GPC6: variants seen among roughly 807,000 people sequenced by gnomAD.
GPC6 encodes glypican 6.
Under a neutral mutation model 55.2 loss-of-function variants are expected in GPC6, and 14 were observed. The observed-to-expected ratio is 0.25, with a 90% confidence interval of 0.17 to 0.40. GPC6 has a LOEUF of 0.40. Among genes scored for constraint, GPC6 ranks in the 10% least tolerant of loss-of-function variants. GPC6 has a pLI of 1.00. For missense variants in GPC6, 641 were observed against 708.5 expected (o/e 0.90, Z 1.08); for synonymous variants, 278 against 259.6 (o/e 1.07, Z -0.68).
At chr13:94,102,775 A>T (rs545958005) in intron 4 of GPC6, among the ~76,000 whole-genome samples, 1 of 152,350 alleles carries the variant, frequency 6.6e-6, no homozygotes, top group East Asian at 1.9e-4. Context: ...AAAATAGAAT[A>T]TTAAAATGAG....
chr13:93,739,649 T>C (rs1884132151), intron 2 of GPC6, among the ~76,000 whole-genome samples: 2 of 152,082 alleles, frequency 1.3e-5, no homozygotes, highest in African/African-American at 4.8e-5. Context: ...CAGGATGGTC[T>C]CGATCTCCTG....
At chr13:93,970,275 T>C (rs1417058724) in intron 3 of GPC6, among the ~76,000 whole-genome samples, 1 of 152,116 alleles carries the variant, frequency 6.6e-6, no homozygotes, top group Non-Finnish European at 1.5e-5. Context: ...GTGCCATAAA[T>C]CAGCTCTACT....
At chr13:93,379,717 C>T (rs939164549) in intron 1 of GPC6, among the ~76,000 whole-genome samples, 2 of 151,978 alleles carry the variant, frequency 1.3e-5, no homozygotes, top group East Asian at 1.9e-4. Context: ...TTGTCTCGTT[C>T]GTTCAGTGGC....
intron 1 of GPC6, among the ~76,000 whole-genome samples, chr13:93,264,673 T>C (rs59772512): frequency 0.21 from 31,856 of 152,098 alleles, 3,600 homozygotes; most frequent in African/African-American, 0.28. Context: ...GCTGAGATTA[T>C]AGGTATGAGC....
At chr13:93,929,621 A>T (rs996469355) in intron 3 of GPC6, among the ~76,000 whole-genome samples, 1 of 152,158 alleles carries the variant, frequency 6.6e-6, no homozygotes, top group Non-Finnish European at 1.5e-5. Context: ...AGAAATTACA[A>T]TGGGAATTAG....
chr13:93,465,782 C>A (rs191171305), intron 1 of GPC6, among the ~76,000 whole-genome samples: 1 of 152,322 alleles, frequency 6.6e-6, no homozygotes, highest in Non-Finnish European at 1.5e-5. Flanking sequence ...AGAGGCCTAG[C>A]CTTTTGGCCT....
At chr13:93,258,726 G>A (rs577676950) in intron 1 of GPC6, among the ~76,000 whole-genome samples, 2 of 152,102 alleles carry the variant, frequency 1.3e-5, no homozygotes, top group South Asian at 4.2e-4. Flanking sequence ...ATTGCTTGAA[G>A]CCAGGAGTTC....
chr13:94,000,326 T>A (rs1881743902), intron 3 of GPC6, among the ~76,000 whole-genome samples: 1 of 152,206 alleles, frequency 6.6e-6, no homozygotes, highest in Non-Finnish European at 1.5e-5. Context: ...AATCCATTTA[T>A]ACTCTGGCAT....
At chr13:94,377,036 T>C (rs1879898513) in intron 6 of GPC6, among the ~76,000 whole-genome samples, 5 of 151,712 alleles carry the variant, frequency 3.3e-5, no homozygotes, top group Admixed American at 2.0e-4. Context: ...TTACACATTA[T>C]ACAAAAATCA....
chr13:94,350,594 T>C (rs553047757), intron 6 of GPC6, among the ~76,000 whole-genome samples: 1 of 152,298 alleles, frequency 6.6e-6, no homozygotes, highest in African/African-American at 2.4e-5. Flanking sequence ...CCAGAAGGCA[T>C]TGTTAAATAC....
At chr13:94,398,757 C>A in intron 8 of GPC6, 116 bp downstream of exon 8, 1 of 835,254 alleles carries the variant, frequency 1.2e-6, no homozygotes, top group Non-Finnish European at 2.0e-6. Context: ...CATTCTTCCT[C>A]AGGCTGTGAT....
intron 1 of GPC6, among the ~76,000 whole-genome samples, chr13:93,430,669 A>T (rs1022257597): frequency 6.6e-6 from 1 of 152,152 alleles, no homozygotes; most frequent in Non-Finnish European, 1.5e-5. Context: ...GAACGTACCA[A>T]TAGTAATAGC....
chr13:93,979,281 T>TG (rs1880664587), intron 3 of GPC6, among the ~76,000 whole-genome samples: 8 of 140,180 alleles, frequency 5.7e-5, no homozygotes, highest in African/African-American at 1.4e-4. Flanking sequence ...GACACTTCTT[T>TG]TGTGTGTGTG....
intron 2 of GPC6, among the ~76,000 whole-genome samples, chr13:93,730,773 C>A (rs1356667943): frequency 1.2e-4 from 19 of 152,140 alleles, no homozygotes; most frequent in Non-Finnish European, 2.4e-4. Context: ...GGGAGTAAAA[C>A]CATTTCTTGT....
intron 5 of GPC6, among the ~76,000 whole-genome samples, chr13:94,305,565 T>C (rs989385353): frequency 1.3e-5 from 2 of 152,196 alleles, no homozygotes; most frequent in African/African-American, 2.4e-5. Context: ...AACACTTGTT[T>C]ACAGTCTGAG....
At chr13:93,749,587 C>T (rs998399769) in intron 2 of GPC6, among the ~76,000 whole-genome samples, 5 of 151,870 alleles carry the variant, frequency 3.3e-5, no homozygotes, top group Non-Finnish European at 4.4e-5. Context: ...AACAGTAGAG[C>T]ATTATAATAA....
chr13:93,977,394 A>G (rs1273283657), intron 3 of GPC6, among the ~76,000 whole-genome samples: 1 of 151,052 alleles, frequency 6.6e-6, no homozygotes, highest in Non-Finnish European at 1.5e-5. Flanking sequence ...ATGCTTTATT[A>G]TTTAAATGTT....
intron 1 of GPC6, among the ~76,000 whole-genome samples, chr13:93,242,308 C>CA (rs967768157): frequency 4.6e-5 from 7 of 152,038 alleles, no homozygotes; most frequent in African/African-American, 1.7e-4. Context: ...ACAAGCCTGG[C>CA]AAAAAACAAC....
At chr13:93,305,385 CGTACTGGGACCACAAGCA>C (rs1450980525) in intron 1 of GPC6, among the ~76,000 whole-genome samples, 1 of 152,086 alleles carries the variant, frequency 6.6e-6, no homozygotes, top group Non-Finnish European at 1.5e-5. Context: ...AGTTTGCTGT[CGTACTGGGACCACAAGCA>C]GTAAATAGGA....
Sources: allele counts gnomAD v4.1 joint callset (sites outside exome capture counted in the v4.1 genomes callset), GRCh38; gene constraint gnomAD v4.1.1; transcripts MANE v1.5; gene names NCBI Gene and HGNC (gene_info 2026-07-23, HGNC 2026-07-21).